TPTE2: variants seen among roughly 807,000 people sequenced by gnomAD.
The protein encoded by TPTE2 is transmembrane phosphoinositide 3-phosphatase and tensin homolog 2.
Under a neutral mutation model 78.6 loss-of-function variants are expected in TPTE2, and 53 were observed. That is an observed-to-expected ratio of 0.67 (90% CI 0.54 to 0.85). TPTE2 has a LOEUF of 0.85. TPTE2 is among the 40% of genes least tolerant of loss of function. TPTE2 has a pLI of 0.00. For missense variants in TPTE2, 461 were observed against 623.0 expected, an observed-to-expected ratio of 0.74 and a Z score of 2.77; for synonymous variants, 175 against 206.2, an observed-to-expected ratio of 0.85 and a Z score of 1.30.
At chr13:19,537,518 C>T (rs891298597), upstream of TPTE2, among the ~76,000 whole-genome samples, 1 of 151,468 alleles carries the variant, frequency 6.6e-6, no homozygotes, top group Non-Finnish European at 1.5e-5. Flanking sequence ...CAGGCGTGAG[C>T]CACTGTGCCC....
exon 6 of TPTE2, chr13:19,474,036 G>C (rs1879792415): frequency 6.2e-7 from 1 of 1,607,624 alleles, no homozygotes; most frequent in Non-Finnish European, 8.5e-7. Flanking sequence ...CGGCAAGGAG[G>C]AGAGTGACAT....
At chr13:19,525,681 C>A (rs557384769) in intron 1 of TPTE2, among the ~76,000 whole-genome samples, 89 of 152,116 alleles carry the variant, frequency 5.9e-4, no homozygotes, top group Non-Finnish European at 1.1e-3. Context: ...GCAACAAAAA[C>A]AAAAACAGAC....
intron 15 of TPTE2, among the ~76,000 whole-genome samples, chr13:19,435,551 T>C (rs1377190635): frequency 1.3e-5 from 2 of 152,120 alleles, no homozygotes; most frequent in Non-Finnish European, 2.9e-5. Context: ...CTCTGGACTT[T>C]TGTATATGAT....
At chr13:19,451,359 T>C (rs1367202511) in intron 10 of TPTE2, 134 bp from the exon 14 acceptor site, 50 of 1,095,294 alleles carry the variant, frequency 4.6e-5, no homozygotes, top group Non-Finnish European at 6.5e-5. Context: ...ATTCAGGGAA[T>C]AAGAGGGTAT....
chr13:19,428,107 A>C (rs1876278760), intron 17 of TPTE2, among the ~76,000 whole-genome samples: 1 of 152,236 alleles, frequency 6.6e-6, no homozygotes, highest in African/African-American at 2.4e-5. Context: ...TGAAAAAAGA[A>C]TTTAGTCCAA....
chr13:19,427,079 CTTTTTTTTTTTTTT>C (rs55904352), intron 17 of TPTE2, among the ~76,000 whole-genome samples: 1 of 67,290 alleles, frequency 1.5e-5, no homozygotes, highest in South Asian at 6.2e-4. Context: ...CTTTTCTTTT[CTTTTTTTTTTTTTT>C]TTTTTTTTTG....
At chr13:19,458,711 T>A (rs1482950999) in intron 10 of TPTE2, 1 of 475,410 alleles carries the variant, frequency 2.1e-6, no homozygotes, top group East Asian at 5.7e-5. Context: ...TTTCTCAACA[T>A]CACCCATATT....
At position 19,492,724 on chromosome 13, in the gene TPTE2, G is replaced by A. The variant is rs1881071680; in HGVS notation, c.119+126C>T. 2.2e-6 allele frequency: 3 copies of A among 1,345,150 alleles called. No individual in the cohort carries two copies. The African/African-American group carries it at 4.3e-5, about 19-fold the overall frequency. The allele number at this position is 1,345,150 out of a possible 1,614,324, so 83.3% of individuals were successfully genotyped here. A position where few individuals can be genotyped will look rare whatever the true frequency, so the allele number is the denominator to read the frequency against. ...TTCCACTTTGTGCATGGGTTTGTTT[G>A]TGTAAATGTGTTGACAAAAGTGTGT... is the stretch of plus-strand genomic sequence containing the variant. On this transcript the variant is annotated intron_variant, in intron 3 of 19. Transcript: ENST00000400230.
At chr13:19,430,921 G>A (rs1185596519) in intron 16 of TPTE2, among the ~76,000 whole-genome samples, 1 of 152,122 alleles carries the variant, frequency 6.6e-6, no homozygotes, top group Non-Finnish European at 1.5e-5. Flanking sequence ...GAGGTCAGGA[G>A]TTCTAAACCA....
intron 4 of TPTE2, among the ~76,000 whole-genome samples, chr13:19,475,869 C>T (rs1386712251): frequency 1.3e-5 from 2 of 152,070 alleles, no homozygotes; most frequent in Admixed American, 1.3e-4. Flanking sequence ...CATGCAAAGC[C>T]CCAACCCCAA....
intron 6 of TPTE2, among the ~76,000 whole-genome samples, chr13:19,472,255 T>G (rs1484317440): frequency 2.0e-5 from 3 of 152,176 alleles, no homozygotes; most frequent in African/African-American, 7.2e-5. Flanking sequence ...TTGAATAAAC[T>G]TTCTACACTC....
At chr13:19,430,497 A>C (rs200965269) in exon 17 of TPTE2, 2 of 1,611,030 alleles carry the variant, frequency 1.2e-6, no homozygotes, top group Non-Finnish European at 1.7e-6. Flanking sequence ...GTACTGGAAA[A>C]GACAACCTTT....
chr13:19,432,702 G>A (rs1274436080), intron 15 of TPTE2, 124 bp from the exon 19 acceptor site: 2 of 514,302 alleles, frequency 3.9e-6, no homozygotes, highest in Admixed American at 7.0e-5. Flanking sequence ...ACATTTACTG[G>A]ATGCCATTAT....
Position 19,480,159 on chromosome 13 carries a change from G to C in TPTE2, c.179+2329C>G, listed in dbSNP as rs149844119. ...GAAATGGGATTTGTATTGAAGGCAG[G>C]TGCTATCTCTCCCACTGGACACGTT... On this transcript the variant is annotated intron_variant, in intron 4 of 19. Transcript: ENST00000400230. Among the ~76,000 whole-genome samples, 136 of 152,200 alleles carry C rather than the reference G, an allele frequency of 8.9e-4. 3 individuals are homozygous for C. Among genetic ancestry groups the C allele is most frequent in the African/African-American group, 3.1e-3 (129 of 41,522 alleles).
intron 19 of TPTE2, among the ~76,000 whole-genome samples, chr13:19,424,426 C>T (rs561225973): frequency 6.6e-5 from 10 of 152,298 alleles, no homozygotes; most frequent in African/African-American, 2.2e-4. Context: ...ATTTGAATGG[C>T]TATTTAAATA....
chr13:19,551,284 T>C, the TPTE2 span, among the ~76,000 whole-genome samples: 1 of 152,182 alleles, frequency 6.6e-6, no homozygotes, highest in South Asian at 2.1e-4. Flanking sequence ...TGCTGTATTA[T>C]TGCAGGTACA....
the TPTE2 span, among the ~76,000 whole-genome samples, chr13:19,549,200 A>C: frequency 6.6e-6 from 1 of 152,174 alleles, no homozygotes; most frequent in African/African-American, 2.4e-5. Context: ...TGCACAAAAA[A>C]AGAAATTTCA....
intron 6 of TPTE2, 127 bp downstream of exon 9, chr13:19,473,787 G>T: frequency 1.3e-6 from 1 of 787,544 alleles, no homozygotes; most frequent in Non-Finnish European, 1.8e-6. Flanking sequence ...ATAGAGACGG[G>T]GTTTCACCAT....
At chr13:19,434,935 A>C (rs896866680) in intron 15 of TPTE2, among the ~76,000 whole-genome samples, 2 of 152,226 alleles carry the variant, frequency 1.3e-5, no homozygotes, top group African/African-American at 4.8e-5. Flanking sequence ...TTTCTAATTT[A>C]TAAGATGAGA....
Sources: gnomAD v4.1 joint callset for allele counts (sites outside exome capture counted in the v4.1 genomes callset) on GRCh38, gnomAD v4.1.1 for gene constraint, MANE v1.5 for transcripts, NCBI Gene and HGNC (gene_info 2026-07-23, HGNC 2026-07-21) for gene names.